The following PTPRG variants were observed in gnomAD, a reference collection of about 807,000 sequenced individuals.
PTPRG encodes protein tyrosine phosphatase receptor type G.
PTPRG carries 102 observed loss-of-function variants against 165.3 expected under a neutral mutation model. The observed-to-expected ratio is 0.62, with a 90% CI of 0.53 to 0.73. The LOEUF (loss-of-function observed/expected upper bound fraction) is 0.73. Among genes scored for constraint, PTPRG ranks in the 30% least tolerant of loss-of-function variants. PTPRG has a pLI of 0.00. For synonymous variants in PTPRG, 675 were observed against 669.5 expected (o/e 1.01, Z -0.13); for missense variants, 1,866 against 1,861.4 (o/e 1.00, Z -0.05).
rs115806897 is a variant in PTPRG, at chr3:61,958,509, A to G, written c.191-31116A>G. On this transcript the variant is annotated intron_variant, in intron 2 of 29. Coordinates refer to ENST00000474889, the MANE Select transcript of PTPRG (RefSeq NM_002841.4). Reference sequence around the variant, plus strand: ...GTAATTTGAAGACACCTGAAGGTCAAGGGTTCTTAATGCTGCCTCTCCTAT... The same window carrying G: ...GTAATTTGAAGACACCTGAAGGTCAGGGGTTCTTAATGCTGCCTCTCCTAT... Among the ~76,000 whole-genome samples the G allele has an allele frequency of 9.5e-3, 1,443 of 152,322 alleles. 26 individuals carry two copies. Among genetic ancestry groups the G allele is most frequent in the African/African-American group, 0.032 (1,334 of 41,574 alleles).
At chr3:61,746,438 A>AT (rs926171055) in intron 1 of PTPRG, among the ~76,000 whole-genome samples, 16 of 151,428 alleles carry the variant, frequency 1.1e-4, no homozygotes, top group African/African-American at 3.6e-4. Flanking sequence ...ACACGCGCTA[A>AT]TTTTTTTATT....
rs143496288 is a variant in PTPRG at position 61,943,061 on chromosome 3, A to C, written c.191-46564A>C. 3.4e-3 allele frequency among the ~76,000 whole-genome samples: 511 copies of C among 152,348 alleles called. 1 individual carries two copies. Among genetic ancestry groups the C allele is most frequent in the African/African-American group, 0.012 (493 of 41,578 alleles). ...CAGGTATGCTTGTTGGTCATTATAA[A>C]GTTCAAGTGAATTGTGTATAAGTCT... is the stretch of plus-strand genomic sequence containing the variant. On this transcript the variant is annotated intron_variant, in intron 2 of 29. Transcript: ENST00000474889.
At chr3:61,739,884 T>C (rs980237748) in intron 1 of PTPRG, among the ~76,000 whole-genome samples, 6 of 152,226 alleles carry the variant, frequency 3.9e-5, no homozygotes, top group Non-Finnish European at 7.3e-5. Flanking sequence ...TCACATAGCA[T>C]ATTGTTGCCA....
intron 2 of PTPRG, among the ~76,000 whole-genome samples, chr3:61,854,793 G>A (rs548378525): frequency 1.3e-5 from 2 of 152,306 alleles, no homozygotes; most frequent in South Asian, 4.1e-4. Context: ...CTAAAAACCT[G>A]TAATATGAGG....
At position 62,187,842 on chromosome 3, in the gene PTPRG, C is replaced by T. The variant is rs111747635; in HGVS notation, c.1034-3627C>T. On this transcript the variant is annotated intron_variant, in intron 8 of 29. Coordinates refer to ENST00000474889, the MANE Select transcript of PTPRG (RefSeq NM_002841.4). ...TGCAAAGCCCTGGCCTCATGCTCCT[C>T]CTCTCGTGTAATCAGGGACAAGCAT... 5.5e-3 allele frequency among the ~76,000 whole-genome samples: 838 copies of T among 152,332 alleles called. 8 individuals are homozygous for T. The highest frequency in any genetic ancestry group is 0.019 in the African/African-American group (803 of 41,586).
intron 2 of PTPRG, among the ~76,000 whole-genome samples, chr3:61,964,196 G>A (rs1237796283): frequency 6.6e-6 from 1 of 152,244 alleles, no homozygotes; most frequent in Non-Finnish European, 1.5e-5. Flanking sequence ...TGATGGGAAA[G>A]AGGGGACAAT....
In PTPRG at chr3:62,276,966, T is replaced by C. The variant is rs1702251537; in HGVS notation, c.3560-6T>C. 1.9e-6 allele frequency: 3 copies of C among 1,612,326 alleles called. No individual in the cohort carries two copies. Among genetic ancestry groups the C allele is most frequent in the Admixed American group, 1.7e-5 (1 of 59,872 alleles). Reference sequence around the variant, plus strand: ...ATGTGGTGTTTTTGTTTTTTCCATATGATAGCTGAGCGTGCTCGAGTGGGT... The same window carrying C: ...ATGTGGTGTTTTTGTTTTTTCCATACGATAGCTGAGCGTGCTCGAGTGGGT... On this transcript the variant is annotated splice_region_variant and splice_polypyrimidine_tract_variant and intron_variant, in intron 24 of 29. Transcript: ENST00000474889.
rs559272033 is a variant in PTPRG, at chr3:62,071,591, T to C, written c.520-6572T>C. Reference sequence around the variant, plus strand: ...AATAAAGTTAACCTTGTCTCATTAATGATATTTTAGTCTTCCTAAGTGCAG... The same window carrying C: ...AATAAAGTTAACCTTGTCTCATTAACGATATTTTAGTCTTCCTAAGTGCAG... On this transcript the variant is annotated intron_variant, in intron 4 of 29. Transcript: ENST00000474889. Among the ~76,000 whole-genome samples, 24 of 152,370 alleles carry C rather than the reference T, an allele frequency of 1.6e-4. No homozygotes were observed. The South Asian group carries it at 5.0e-3, about 32-fold the overall frequency.
At chr3:61,794,089 A>G (rs1369505631) in intron 2 of PTPRG, among the ~76,000 whole-genome samples, 1 of 152,156 alleles carries the variant, frequency 6.6e-6, no homozygotes, top group Non-Finnish European at 1.5e-5. Flanking sequence ...TCGTTTGCCC[A>G]ACTGCCTTGA....
At chr3:61,787,165 T>C (rs1212612072) in intron 2 of PTPRG, among the ~76,000 whole-genome samples, 1 of 152,164 alleles carries the variant, frequency 6.6e-6, no homozygotes, top group African/African-American at 2.4e-5. Flanking sequence ...TTGAAAGATG[T>C]GTCTGTTCTT....
chr3:61,949,043 GA>G (rs57167995), intron 2 of PTPRG, among the ~76,000 whole-genome samples: 385 of 128,492 alleles, frequency 3.0e-3, no homozygotes, highest in Middle Eastern at 8.1e-3. Context: ...GACAAGCCAA[GA>G]AAAAAAAAAA....
chr3:61,676,287 C>G (rs962652936), intron 1 of PTPRG, among the ~76,000 whole-genome samples: 9 of 151,120 alleles, frequency 6.0e-5, no homozygotes, highest in African/African-American at 1.9e-4. Context: ...GAAACCCCGT[C>G]TCTACTAAAA....
chr3:62,286,650 GA>G (rs1255881961), intron 28 of PTPRG, among the ~76,000 whole-genome samples: 3 of 151,784 alleles, frequency 2.0e-5, no homozygotes, highest in Non-Finnish European at 2.9e-5. Flanking sequence ...AGGGAAAGAT[GA>G]AAAAAATAGG....
At chr3:62,007,168 T>G (rs1326503667) in intron 4 of PTPRG, among the ~76,000 whole-genome samples, 1 of 152,188 alleles carries the variant, frequency 6.6e-6, no homozygotes, top group Non-Finnish European at 1.5e-5. Flanking sequence ...AGAAGCTGGA[T>G]CTGCTCCCTG....
chr3:62,224,603 T>A lies in PTPRG; in HGVS notation c.2288+5620T>A, dbSNP rs768412446. 5.3e-5 allele frequency among the ~76,000 whole-genome samples: 8 copies of A among 152,218 alleles called. No homozygotes were observed. The highest frequency in any genetic ancestry group is 1.0e-4 in the Non-Finnish European group (7 of 68,038). On this transcript the variant is annotated intron_variant, in intron 13 of 29. Coordinates refer to ENST00000474889, the MANE Select transcript of PTPRG (RefSeq NM_002841.4). The surrounding 1 kb of genome is among the most constrained non-coding windows in gnomAD (Gnocchi z 4.9). The stretch of plus-strand genomic sequence containing the variant: ...TAAACCCATTGGTATCATTGAATTA[T>A]GTATATGTTTCCTGAAAGGGAGAAC...
chr3:61,914,538 G>C (rs1040447276), intron 2 of PTPRG, among the ~76,000 whole-genome samples: 6 of 152,166 alleles, frequency 3.9e-5, no homozygotes, highest in Non-Finnish European at 8.8e-5. Flanking sequence ...TTCACGTTCC[G>C]AGTTTAAGCA....
chr3:62,169,183 T>A (rs1360981749), intron 8 of PTPRG, among the ~76,000 whole-genome samples: 1 of 152,148 alleles, frequency 6.6e-6, no homozygotes, highest in Non-Finnish European at 1.5e-5. Context: ...CTGTTTTCAC[T>A]TAGGGCCCAA....
rs574798457 is a variant in PTPRG, at chr3:62,013,780, G to GT, written c.519+10294dup. ...AAGGCTTCACTTAGATGCTGTACAG[G>GT]TTTTTTTTTTTCTTCTTCTTTATAA... On this transcript the variant is annotated intron_variant, in intron 4 of 29. Transcript: ENST00000474889. Among the ~76,000 whole-genome samples the GT allele has an allele frequency of 1.5e-3, 225 of 147,224 alleles. No individual in the cohort carries two copies. The East Asian group carries it at 0.02, about 13-fold the overall frequency.
intron 25 of PTPRG, 93 bp downstream of exon 25, chr3:62,277,141 A>G: frequency 2.1e-6 from 2 of 959,710 alleles, no homozygotes; most frequent in South Asian, 3.0e-5. Context: ...CATTTTTGAA[A>G]TAATTTCTCA....
Sources: gnomAD v4.1 joint callset for allele counts (sites outside exome capture counted in the v4.1 genomes callset) on GRCh38, gnomAD v4.1.1 for gene constraint, Gnocchi (gnomAD v3.1) non-coding constraint, MANE v1.5 for transcripts, NCBI Gene and HGNC (gene_info 2026-07-23, HGNC 2026-07-21) for gene names.